The following TMPO variants were observed in gnomAD, a reference collection of about 807,000 sequenced individuals.
TMPO encodes thymopoietin.
TMPO carries 22 observed loss-of-function variants against 45.4 expected under a neutral mutation model. The ratio of observed to expected loss-of-function variants is 0.48; its 90% confidence interval spans 0.35 to 0.69. The LOEUF (loss-of-function observed/expected upper bound fraction) is 0.69, where lower values mean the gene tolerates loss of function less well. Among genes scored for constraint, TMPO ranks in the 30% least tolerant of loss-of-function variants. TMPO has a pLI of 0.01. For missense variants in TMPO, 512 were observed against 548.8 expected, an observed-to-expected ratio of 0.93 and a Z score of 0.67; for synonymous variants, 241 against 204.1, an observed-to-expected ratio of 1.18 and a Z score of -1.54.
chr12:98,515,669 T>C lies in TMPO; in HGVS notation c.-199T>C, dbSNP rs1875719452. The C allele has an allele frequency of 6.1e-6, 7 of 1,154,264 alleles. No individual in the cohort carries two copies. In the South Asian group the frequency reaches 7.9e-5, roughly 13 times the overall value. 71.5% of individuals were successfully genotyped at this position (1,154,264 alleles called of 1,614,324 possible). A position where few individuals can be genotyped will look rare whatever the true frequency, so the allele number is the denominator to read the frequency against. The stretch of plus-strand genomic sequence containing the variant: ...TTCCAGCTTGGCCGCAGTTGGTTCG[T>C]AGTTCGGCTCTGGGGTCTTTTGTGT... On this transcript the variant is annotated 5_prime_UTR_variant, in exon 1 of 9. Transcript: ENST00000556029.
At chr12:98,538,928 C>T (rs1314456712) in intron 4 of TMPO, among the ~76,000 whole-genome samples, 2 of 151,840 alleles carry the variant, frequency 1.3e-5, no homozygotes, top group African/African-American at 2.4e-5. Context: ...AGGCCGGGCG[C>T]GGTGGCTCAC....
At chr12:98,526,863 C>A (rs1348924399) in intron 1 of TMPO, among the ~76,000 whole-genome samples, 1 of 151,942 alleles carries the variant, frequency 6.6e-6, no homozygotes, top group Non-Finnish European at 1.5e-5. Flanking sequence ...GAGGCTGAGG[C>A]AGGAGAATCG....
intron 8 of TMPO, 92 bp downstream of exon 8, chr12:98,546,539 A>G (rs1878238241): frequency 1.9e-6 from 2 of 1,056,106 alleles, no homozygotes; most frequent in Non-Finnish European, 2.9e-6. Context: ...ACTTCTGCTC[A>G]GAATTAAGCT....
chr12:98,516,701 T>C (rs1875862265), intron 1 of TMPO, among the ~76,000 whole-genome samples: 1 of 152,244 alleles, frequency 6.6e-6, no homozygotes, highest in Admixed American at 6.5e-5. Context: ...TTCTAGTTTG[T>C]TTTAATTTTT....
chr12:98,533,209 A>G (rs1487707554), intron 3 of TMPO: 1 of 1,613,954 alleles, frequency 6.2e-7, no homozygotes, highest in Non-Finnish European at 8.5e-7. Context: ...TAAAGAAACC[A>G]CCACTGGTTA....
chr12:98,517,018 T>G (rs566245903), intron 1 of TMPO, among the ~76,000 whole-genome samples: 1 of 151,982 alleles, frequency 6.6e-6, no homozygotes, highest in Non-Finnish European at 1.5e-5. Flanking sequence ...TCCAAGTTGG[T>G]CAGGCTGGTC....
rs1877291034 is a variant in TMPO at position 98,532,850 on chromosome 12, A to C, written c.565+1012A>C. ...AAGAAGAAAGAACACAAGAAAGTGA[A>C]GTCCACTAGGGATATTGTTCCTTTT... On this transcript the variant is annotated intron_variant, in intron 3 of 8. Coordinates refer to ENST00000556029, the MANE Select transcript of TMPO (RefSeq NM_001032283.3). The C allele has an allele frequency of 6.2e-7, 1 of 1,614,210 alleles. No homozygotes were observed.
At chr12:98,538,395 G>A (rs1186654210) in intron 4 of TMPO, among the ~76,000 whole-genome samples, 1 of 152,038 alleles carries the variant, frequency 6.6e-6, no homozygotes, top group East Asian at 1.9e-4. Flanking sequence ...CTTGTCACCC[G>A]GGCTGGAGTG....
intron 3 of TMPO, chr12:98,532,737 A>G (rs1877282849): frequency 6.3e-7 from 1 of 1,596,784 alleles, no homozygotes; most frequent in Non-Finnish European, 8.6e-7. Flanking sequence ...TTCCTTTGAC[A>G]GCACTATTTT....
chr12:98,538,651 C>T (rs771856031), intron 4 of TMPO, among the ~76,000 whole-genome samples: 4 of 152,044 alleles, frequency 2.6e-5, no homozygotes, highest in African/African-American at 7.2e-5. Context: ...CCGCGCCCAG[C>T]CTGTTTGTCG....
chr12:98,539,086 G>C (rs907736425), intron 4 of TMPO, among the ~76,000 whole-genome samples: 1 of 152,048 alleles, frequency 6.6e-6, no homozygotes, highest in African/African-American at 2.4e-5. Flanking sequence ...TGTAATCCTA[G>C]CTACTCCGGA....
At position 98,550,107 on chromosome 12, in the gene TMPO, TA is replaced by T. The variant is rs1878452769; in HGVS notation, c.*2253del. On this transcript the variant is annotated 3_prime_UTR_variant, in exon 9 of 9. Coordinates refer to ENST00000556029, the MANE Select transcript of TMPO (RefSeq NM_001032283.3). ...AACATGTATGTAAGATCAATTCACT[TA>T]AAAGTATGGTCCAAATAGCAAAAAT... 6.6e-6 allele frequency: 1 copy of T among 152,210 alleles called. No individual in the cohort carries two copies. The highest frequency in any genetic ancestry group is 1.5e-5 in the Non-Finnish European group (1 of 68,040). The allele number at this position is 152,210 out of a possible 1,614,324, so 9.4% of individuals were successfully genotyped here.
At chr12:98,546,633 G>A (rs998248003) in intron 8 of TMPO, among the ~76,000 whole-genome samples, 186 bp downstream of exon 8, 1 of 152,150 alleles carries the variant, frequency 6.6e-6, no homozygotes, top group Non-Finnish European at 1.5e-5. Flanking sequence ...CTTAAGCCCA[G>A]GAGTTCGAGA....
intron 1 of TMPO, among the ~76,000 whole-genome samples, chr12:98,520,272 C>CCCCTCCTT (rs1555202280): frequency 1.4e-4 from 15 of 107,206 alleles, no homozygotes; most frequent in African/African-American, 4.7e-4. Context: ...CCATATTTTT[C>CCCCTCCTT]CCTTCCTTCC....
rs375569293 is a variant in TMPO at position 98,519,750 on chromosome 12, G to A, written c.279+3604G>A. On this transcript the variant is annotated intron_variant, in intron 1 of 8. Coordinates refer to ENST00000556029, the MANE Select transcript of TMPO (RefSeq NM_001032283.3). The stretch of plus-strand genomic sequence containing the variant: ...CTGTTTTAAAGTACGTTAAGTACAA[G>A]TGAGTTATAATTAGGAGTCTGTTCG... Among the ~76,000 whole-genome samples, 19 of 152,298 alleles carry A rather than the reference G, an allele frequency of 1.2e-4. 3 individuals carry two copies. Among genetic ancestry groups the A allele is most frequent in the Admixed American group, 2.0e-4 (3 of 15,290 alleles).
intron 8 of TMPO, 53 bp downstream of exon 8, chr12:98,546,500 T>C (rs1878236910): frequency 7.7e-7 from 1 of 1,296,526 alleles, no homozygotes; most frequent in East Asian, 2.3e-5. Flanking sequence ...GGAATCTTTA[T>C]TTTTAATTCT....
chr12:98,516,376 G>GT, intron 1 of TMPO: 1 of 1,203,204 alleles, frequency 8.3e-7, no homozygotes, highest in Non-Finnish European at 1.0e-6. Context: ...GGTCTGGGAG[G>GT]TGTGGAGTTG....
chr12:98,534,421 T>C, intron 3 of TMPO: 1 of 1,595,630 alleles, frequency 6.3e-7, no homozygotes, highest in Non-Finnish European at 8.5e-7. Flanking sequence ...TAAGGTTGTT[T>C]TAGTTTCCAG....
In TMPO at chr12:98,544,703, A is replaced by T. The variant is rs1226901297; in HGVS notation, c.879+166A>T. 6.1e-6 allele frequency: 4 copies of T among 659,286 alleles called. No individual in the cohort carries two copies. The Admixed American group carries it at 1.2e-4, about 19-fold the overall frequency. 40.8% of individuals were successfully genotyped at this position (659,286 alleles called of 1,614,324 possible). On this transcript the variant is annotated intron_variant, in intron 6 of 8. Coordinates refer to ENST00000556029, the MANE Select transcript of TMPO (RefSeq NM_001032283.3). ...TAGTTCTGAATTTTAGAATTTTCCT[A>T]TAATATCCAATTTATGTAAAGAAAT...
Sources: gnomAD v4.1 joint callset for allele counts (sites outside exome capture counted in the v4.1 genomes callset) on GRCh38, gnomAD v4.1.1 for gene constraint, MANE v1.5 for transcripts, NCBI Gene and HGNC (gene_info 2026-07-23, HGNC 2026-07-21) for gene names.